Variants in EMID1 observed in about 807,000 individuals in gnomAD.
The protein encoded by EMID1 is EMI domain containing 1.
A neutral mutation model predicts 60.6 loss-of-function variants in EMID1; 40 were observed. The observed-to-expected ratio is 0.66, with a 90% CI of 0.51 to 0.86. EMID1 has a LOEUF of 0.86. EMID1 is among the 40% of genes least tolerant of loss of function. The probability of loss-of-function intolerance (pLI) is 0.00; values close to 1 mark genes in which losing one functional copy is unlikely to be tolerated. For missense variants in EMID1, 585 were observed against 597.1 expected (o/e 0.98, Z 0.21); for synonymous variants, 242 against 231.0 (o/e 1.05, Z -0.43).
Position 29,231,073 on chromosome 22 carries a change from T to G in EMID1, c.519T>G (p.Pro173=). 6.2e-7 allele frequency: 1 copy of G among 1,613,872 alleles called. No individual in the cohort carries two copies. Among genetic ancestry groups the G allele is most frequent in the Non-Finnish European group, 8.5e-7 (1 of 1,179,864 alleles). Residue 173 remains proline (P), a synonymous_variant, in exon 6 of 15, where the codon CCT becomes CCG. Transcript: ENST00000334018. ...EQPVPPTPAT[P]EDPAPLWGPP... The stretch of plus-strand genomic sequence containing the variant: ...CAGTACCTCCAACACCAGCTACCCC[T>G]GAGGACCCTGCCCCGCTCTGGGGTC...
intron 3 of EMID1, among the ~76,000 whole-genome samples, chr22:29,222,546 G>A (rs1333918375): frequency 6.6e-6 from 1 of 151,892 alleles, no homozygotes; most frequent in Non-Finnish European, 1.5e-5. Flanking sequence ...TGGGATTACA[G>A]GCACGCATCG....
At chr22:29,233,756 G>A in intron 10 of EMID1, 90 bp downstream of exon 10, 1 of 1,242,162 alleles carries the variant, frequency 8.1e-7, no homozygotes, top group South Asian at 1.3e-5. Flanking sequence ...ATCCACCCTT[G>A]TATCCATCTA....
chr22:29,254,060 C>T, intron 13 of EMID1, 143 bp from the exon 14 acceptor site: 1 of 1,535,880 alleles, frequency 6.5e-7, no homozygotes, highest in Admixed American at 1.8e-5. Context: ...TGGTCTTGTT[C>T]TGGCTGTCCA....
intron 1 of EMID1, among the ~76,000 whole-genome samples, chr22:29,209,081 T>G (rs1311838820): frequency 6.6e-6 from 1 of 152,070 alleles, no homozygotes; most frequent in Non-Finnish European, 1.5e-5. Context: ...CTTTCTTTCT[T>G]CTCCTTTTCA....
chr22:29,226,452 A>AC, intron 4 of EMID1, 38 bp from the exon 5 acceptor site: 1 of 1,602,890 alleles, frequency 6.2e-7, no homozygotes, highest in Non-Finnish European at 8.5e-7. Context: ...GAAGCCTAGG[A>AC]CCCTTGGCCC....
At position 29,229,643 on chromosome 22, in the gene EMID1, C is replaced by CAA. The variant is rs34973149; in HGVS notation, c.466-1362_466-1361dup. Among the ~76,000 whole-genome samples, 309 of 126,970 alleles carry CAA rather than the reference C, an allele frequency of 2.4e-3. 1 individual carries two copies. The highest frequency in any genetic ancestry group is 4.1e-3 in the Middle Eastern group (1 of 244). The allele number at this position is 126,970 out of a possible 152,430, so 83.3% of individuals were successfully genotyped here. ...GGGCAACAAGAGCAAAACTCCACCT[C>CAA]AAAAAAAAAAAAAAAAGAAGATGCC... On this transcript the variant is annotated intron_variant, in intron 5 of 14. Coordinates refer to ENST00000334018, the MANE Select transcript of EMID1 (RefSeq NM_133455.4).
chr22:29,213,553 G>A (rs1186565702), intron 1 of EMID1, among the ~76,000 whole-genome samples: 2 of 152,154 alleles, frequency 1.3e-5, no homozygotes, highest in East Asian at 3.9e-4. Context: ...CCTTCTGGTG[G>A]TCTGGGGTGG....
At chr22:29,226,735 G>A (rs936056994) in intron 5 of EMID1, among the ~76,000 whole-genome samples, 184 bp downstream of exon 5, 4 of 152,068 alleles carry the variant, frequency 2.6e-5, no homozygotes, top group Non-Finnish European at 5.9e-5. Flanking sequence ...GTCTCCTCCA[G>A]TGTCCCTCCC....
intron 1 of EMID1, among the ~76,000 whole-genome samples, chr22:29,206,993 C>T (rs1295161415): frequency 1.3e-5 from 2 of 152,250 alleles, no homozygotes; most frequent in Non-Finnish European, 2.9e-5. Context: ...AGGGTCCCCT[C>T]CTAAAGGCCA....
chr22:29,245,042 A>G (rs2146389187), intron 13 of EMID1, among the ~76,000 whole-genome samples: 1 of 151,428 alleles, frequency 6.6e-6, no homozygotes, highest in Middle Eastern at 3.4e-3. Context: ...TTGTGGGGTC[A>G]GTGATGGATA....
intron 14 of EMID1, among the ~76,000 whole-genome samples, chr22:29,257,495 G>C (rs1287426687): frequency 6.6e-6 from 1 of 152,144 alleles, no homozygotes; most frequent in South Asian, 2.1e-4. Flanking sequence ...GAATGGGAAT[G>C]GTCAGGCTAG....
chr22:29,210,791 G>A (rs185389232), intron 1 of EMID1, among the ~76,000 whole-genome samples: 4 of 152,282 alleles, frequency 2.6e-5, no homozygotes, highest in Non-Finnish European at 5.9e-5. Context: ...ACCATCACAG[G>A]CCCACCTCTC....
Position 29,226,500 on chromosome 22 carries a change from C to T in EMID1, c.414C>T (p.Asn138=). ...LRPTAFSGCL[N]CSKVSELTER... is the part of the protein sequence containing the mutation. Reference sequence around the variant, plus strand: ...CCTCCCTCCCCGCAGGTTGTCTCAACTGCAGCAAAGTGTCAGAGCTGACAG... The same window carrying T: ...CCTCCCTCCCCGCAGGTTGTCTCAATTGCAGCAAAGTGTCAGAGCTGACAG... The change falls in exon 5 of 15, where the codon AAC becomes AAT. Residue 138 remains asparagine (N), a synonymous_variant. Coordinates refer to ENST00000334018, the MANE Select transcript of EMID1 (RefSeq NM_133455.4). The T allele has an allele frequency of 6.2e-7, 1 of 1,611,926 alleles. No individual in the cohort carries two copies.
intron 1 of EMID1, among the ~76,000 whole-genome samples, chr22:29,207,540 A>G (rs1194870263): frequency 6.6e-6 from 1 of 152,198 alleles, no homozygotes; most frequent in Non-Finnish European, 1.5e-5. Context: ...GCGACAGCTT[A>G]AGGCCCAGAC....
intron 13 of EMID1, among the ~76,000 whole-genome samples, chr22:29,243,758 T>C (rs1293229407): frequency 6.6e-6 from 1 of 152,240 alleles, no homozygotes; most frequent in Non-Finnish European, 1.5e-5. Flanking sequence ...CTCTGTGGCC[T>C]TTCCAGGCCA....
intron 12 of EMID1, among the ~76,000 whole-genome samples, chr22:29,241,960 G>A (rs1330602393): frequency 6.6e-6 from 1 of 152,044 alleles, no homozygotes; most frequent in African/African-American, 2.4e-5. Flanking sequence ...ACCCAGGCTG[G>A]AGTGCAATGG....
In EMID1 at chr22:29,232,286, G is replaced by T. The variant is rs747987026; in HGVS notation, c.707G>T (p.Arg236Leu). 1 of 1,611,448 alleles carries T rather than the reference G, an allele frequency of 6.2e-7. No individual in the cohort carries two copies. The highest frequency in any genetic ancestry group is 8.5e-7 in the Non-Finnish European group (1 of 1,179,748). ...CAGGGCCCCCCAGGGAGCCCTGGCC[G>T]GGCTGGAGCTGTGGGCACCCCTGGA... ...GPQGPPGSPG[R>L]AGAVGTPGER... The change falls in exon 8 of 15, where the codon CGG becomes CTG. Residue 236 changes from arginine (R) to leucine (L), a missense_variant. By Grantham distance (102) the Arg-to-Leu change is moderately radical. Coordinates refer to ENST00000334018, the MANE Select transcript of EMID1 (RefSeq NM_133455.4).
chr22:29,258,932 CGA>C lies in EMID1; in HGVS notation c.1326_1327del (p.Gly443LeufsTer45). 6.2e-7 allele frequency: 1 copy of C among 1,612,652 alleles called. No individual in the cohort carries two copies. ...YRIVAPRSRD[E>X]RG ...GGATCGTGGCCCCCAGGAGCCGGGA[CGA>C]GAGAGGCTGAGGGTGGTGGCGGCCC... On this transcript the variant is annotated frameshift_variant, in exon 15 of 15. Coordinates refer to ENST00000334018, the MANE Select transcript of EMID1 (RefSeq NM_133455.4). LOFTEE classifies it high-confidence loss of function.
At chr22:29,214,505 G>T (rs1447453108) in intron 1 of EMID1, among the ~76,000 whole-genome samples, 1 of 152,192 alleles carries the variant, frequency 6.6e-6, no homozygotes, top group Non-Finnish European at 1.5e-5. Flanking sequence ...TTTCCATTCT[G>T]TGACACTGCC....
Sources: allele counts gnomAD v4.1 joint callset (sites outside exome capture counted in the v4.1 genomes callset), GRCh38; gene constraint gnomAD v4.1.1; transcripts MANE v1.5; gene names NCBI Gene and HGNC (gene_info 2026-07-23, HGNC 2026-07-21).